HLCS: variants seen among roughly 807,000 people sequenced by gnomAD.
HLCS encodes the protein holocarboxylase synthetase.
HLCS carries 53 observed loss-of-function variants against 75.0 expected under a neutral mutation model. The observed-to-expected ratio is 0.71, with a 90% confidence interval of 0.57 to 0.89. The LOEUF (loss-of-function observed/expected upper bound fraction) is 0.89, where lower values mean the gene tolerates loss of function less well. HLCS is among the 40% of genes least tolerant of loss of function. The probability of loss-of-function intolerance (pLI) is 0.00; values close to 1 mark genes in which losing one functional copy is unlikely to be tolerated. For missense variants in HLCS, 966 were observed against 1,074.0 expected (o/e 0.90, Z 1.41); for synonymous variants, 431 against 428.6 (o/e 1.01, Z -0.07).
chr21:36,907,314 A>C lies in HLCS; in HGVS notation c.1621-10183T>G, dbSNP rs548969787. Among the ~76,000 whole-genome samples the C allele has an allele frequency of 2.3e-4, 35 of 152,342 alleles. No homozygotes were observed. In the South Asian group the frequency reaches 7.2e-3, roughly 32 times the overall value. The stretch of plus-strand genomic sequence containing the variant: ...TGAACCATAAAAGGAAAAAAGTGAT[A>C]AGCTGGACTTTATAAAAATTAAGAA... On this transcript the variant is annotated intron_variant, in intron 5 of 10. Transcript: ENST00000674895.
intron 6 of HLCS, among the ~76,000 whole-genome samples, chr21:36,833,614 T>TATATA (rs1569076054): frequency 1.4e-5 from 2 of 146,512 alleles, no homozygotes; most frequent in Admixed American, 1.4e-4. Flanking sequence ...TATATATATA[T>TATATA]TTGATTTGGA....
intron 5 of HLCS, among the ~76,000 whole-genome samples, 167 bp downstream of exon 5, chr21:36,930,084 C>A (rs1384710191): frequency 6.6e-6 from 1 of 152,206 alleles, no homozygotes; most frequent in East Asian, 1.9e-4. Flanking sequence ...ATAATCCTCC[C>A]CCAACAAAAT....
intron 2 of HLCS, chr21:36,943,820 A>C (rs943924373): frequency 5.5e-4 from 81 of 148,384 alleles, no homozygotes; most frequent in African/African-American, 1.9e-3. Flanking sequence ...CCCTGTCTAA[A>C]AAAAAAAAAA....
At chr21:36,988,193 G>A (rs1453793466) in intron 1 of HLCS, among the ~76,000 whole-genome samples, 3 of 152,092 alleles carry the variant, frequency 2.0e-5, no homozygotes, top group African/African-American at 7.2e-5. Context: ...TCCACCCACT[G>A]CAAGTAGCCA....
intron 6 of HLCS, among the ~76,000 whole-genome samples, chr21:36,776,936 C>G (rs935953281): frequency 2.0e-5 from 3 of 152,188 alleles, no homozygotes; most frequent in Non-Finnish European, 4.4e-5. Flanking sequence ...AACTAATAGG[C>G]TTTTTTATTT....
chr21:36,884,087 G>A (rs956348657), intron 6 of HLCS, among the ~76,000 whole-genome samples: 84 of 152,346 alleles, frequency 5.5e-4, no homozygotes, highest in African/African-American at 1.9e-3. Context: ...GCTTAAGGGC[G>A]AGGTTCCAAG....
upstream of HLCS, among the ~76,000 whole-genome samples, chr21:36,967,607 C>T (rs1486017218): frequency 6.6e-6 from 1 of 152,220 alleles, no homozygotes; most frequent in Non-Finnish European, 1.5e-5. Context: ...AGCTGCGAAG[C>T]ACAGCAAAGA....
At chr21:36,795,119 AC>A (rs2060988384) in intron 6 of HLCS, among the ~76,000 whole-genome samples, 1 of 152,144 alleles carries the variant, frequency 6.6e-6, no homozygotes, top group Non-Finnish European at 1.5e-5. Context: ...AGAGGGGAAG[AC>A]GTCTGATTAA....
intron 6 of HLCS, 41 bp downstream of exon 6, chr21:36,896,818 AC>A: frequency 1.2e-6 from 2 of 1,607,116 alleles, no homozygotes; most frequent in Non-Finnish European, 1.7e-6. Flanking sequence ...GATCAATGGA[AC>A]AGGACTCCTC....
At position 36,753,143 on chromosome 21, in the gene HLCS, T is replaced by A. The variant is rs2089431638; in HGVS notation, c.*1103A>T. 2 of 152,692 alleles carry A rather than the reference T, an allele frequency of 1.3e-5. No homozygotes were observed. Among genetic ancestry groups the A allele is most frequent in the African/African-American group, 4.8e-5 (2 of 41,472 alleles). The allele number at this position is 152,692 out of a possible 1,614,324, so 9.5% of individuals were successfully genotyped here. A position where few individuals can be genotyped will look rare whatever the true frequency, so the allele number is the denominator to read the frequency against. ...AATTTTGAATGTCTTCTTTTAAAGC[T>A]ATGTGCGCACACACGCACGCACACA... On this transcript the variant is annotated 3_prime_UTR_variant, in exon 11 of 11. Coordinates refer to ENST00000674895, the MANE Select transcript of HLCS (RefSeq NM_001352514.2). This position sits in a 1 kb window ranked among gnomAD's most constrained non-coding sequence, Gnocchi z 4.3.
At chr21:36,821,558 T>C (rs918163694) in intron 6 of HLCS, among the ~76,000 whole-genome samples, 1 of 152,240 alleles carries the variant, frequency 6.6e-6, no homozygotes, top group African/African-American at 2.4e-5. Context: ...AACCTCCTGC[T>C]CTGCGCTTTG....
intron 5 of HLCS, among the ~76,000 whole-genome samples, chr21:36,914,208 G>A (rs540274061): frequency 6.6e-6 from 1 of 152,306 alleles, no homozygotes; most frequent in Admixed American, 6.5e-5. Flanking sequence ...CTGGCTGGGT[G>A]GGCTTGCTGG....
At position 36,897,143 on chromosome 21, in the gene HLCS, A is replaced by G. The variant is rs367728041; in HGVS notation, c.1621-12T>C. ...GGATCCCTGATTTCCTGTGTCATAA[A>G]GAAAGAAATGAGATGGTCGTAATTT... On this transcript the variant is annotated splice_polypyrimidine_tract_variant and intron_variant, in intron 5 of 10. Transcript: ENST00000674895. The G allele has an allele frequency of 3.5e-4, 572 of 1,612,204 alleles. No individual in the cohort carries two copies. The highest frequency in any genetic ancestry group is 3.6e-4 in the Non-Finnish European group (428 of 1,179,986).
At chr21:36,968,338 T>A (rs115578501), upstream of HLCS, among the ~76,000 whole-genome samples, 3 of 152,176 alleles carry the variant, frequency 2.0e-5, no homozygotes, top group East Asian at 5.8e-4. Context: ...TCATCTGCTT[T>A]AATATAGCTG....
intron 6 of HLCS, among the ~76,000 whole-genome samples, chr21:36,815,167 C>T (rs969638487): frequency 6.6e-6 from 1 of 151,912 alleles, no homozygotes; most frequent in Non-Finnish European, 1.5e-5. Flanking sequence ...GCTGGGATTA[C>T]AGGCATATGC....
chr21:36,926,306 A>G (rs927211772), intron 5 of HLCS, among the ~76,000 whole-genome samples: 2 of 152,220 alleles, frequency 1.3e-5, no homozygotes, highest in Admixed American at 1.3e-4. Context: ...ACCAACTCAG[A>G]GCTCACAGTT....
At chr21:36,785,296 C>T (rs149432686) in intron 6 of HLCS, among the ~76,000 whole-genome samples, 87 of 152,306 alleles carry the variant, frequency 5.7e-4, no homozygotes, top group African/African-American at 2.0e-3. Context: ...GACAAGGGGC[C>T]TCTTTCTTTC....
chr21:36,787,470 C>T (rs2060724396), intron 6 of HLCS, among the ~76,000 whole-genome samples: 1 of 152,172 alleles, frequency 6.6e-6, no homozygotes. Context: ...AAACTGGACC[C>T]TAACCCTTCA....
At chr21:36,825,491 A>G (rs1441235153) in intron 6 of HLCS, among the ~76,000 whole-genome samples, 1 of 152,178 alleles carries the variant, frequency 6.6e-6, no homozygotes, top group Non-Finnish European at 1.5e-5. Flanking sequence ...GTGTACACGT[A>G]AATATACATA....
Sources: gnomAD v4.1 joint callset for allele counts (sites outside exome capture counted in the v4.1 genomes callset) on GRCh38, gnomAD v4.1.1 for gene constraint, Gnocchi (gnomAD v3.1) non-coding constraint, MANE v1.5 for transcripts, NCBI Gene and HGNC (gene_info 2026-07-23, HGNC 2026-07-21) for gene names.